Variants in TCF4 observed in about 807,000 individuals in gnomAD.
TCF4 encodes the protein transcription factor 4, also known as SL3-3 enhancer factor 2.
Under a neutral mutation model 82.1 loss-of-function variants are expected in TCF4, and 3 were observed. The observed-to-expected ratio is 0.04, with a 90% CI of 0.02 to 0.09. The LOEUF (loss-of-function observed/expected upper bound fraction) is 0.09, where lower values mean the gene tolerates loss of function less well. Among genes scored for constraint, TCF4 ranks in the 10% least tolerant of loss-of-function variants. The pLI is 1.00. For synonymous variants in TCF4, 276 were observed against 309.6 expected (o/e 0.89, Z 1.14); for missense variants, 518 against 852.7 (o/e 0.61, Z 4.89).
At chr18:55,234,986 T>C (rs1310752218) in intron 15 of TCF4, among the ~76,000 whole-genome samples, 3 of 152,174 alleles carry the variant, frequency 2.0e-5, no homozygotes, top group Non-Finnish European at 4.4e-5. Context: ...CCATCTGTCT[T>C]CTATCATGTC....
At chr18:55,610,658 C>A (rs1276217871) in intron 2 of TCF4, among the ~76,000 whole-genome samples, 1 of 152,108 alleles carries the variant, frequency 6.6e-6, no homozygotes, top group East Asian at 1.9e-4. Context: ...TTAACAGCTA[C>A]AACAGGAAGA....
chr18:55,478,618 C>T (rs1483803403), intron 3 of TCF4, among the ~76,000 whole-genome samples: 2 of 151,870 alleles, frequency 1.3e-5, no homozygotes, highest in African/African-American at 2.4e-5. Context: ...TGCAAGCTTC[C>T]GAAATGCAGA....
At chr18:55,375,127 A>T (rs1021243102) in intron 6 of TCF4, among the ~76,000 whole-genome samples, 3 of 151,768 alleles carry the variant, frequency 2.0e-5, no homozygotes, top group African/African-American at 7.2e-5. Context: ...TTAGCCACCA[A>T]ATTTCTGAGA....
intron 3 of TCF4, among the ~76,000 whole-genome samples, chr18:55,497,850 T>C (rs538707655): frequency 6.6e-6 from 1 of 151,894 alleles, no homozygotes; most frequent in African/African-American, 2.4e-5. Flanking sequence ...CTACATGAAA[T>C]TGGAAGGGGA....
chr18:55,228,741 C>T (rs1454885103), intron 18 of TCF4, 106 bp downstream of exon 18: 1 of 1,164,234 alleles, frequency 8.6e-7, no homozygotes, highest in Non-Finnish European at 1.2e-6. Flanking sequence ...TGGAATGATG[C>T]TTGAAAGTCT....
intron 3 of TCF4, among the ~76,000 whole-genome samples, chr18:55,579,142 T>C (rs1181371125): frequency 6.6e-6 from 1 of 151,232 alleles, no homozygotes; most frequent in Non-Finnish European, 1.5e-5. Flanking sequence ...TCTCCAAAGA[T>C]TAAATTATTA....
intron 5 of TCF4, among the ~76,000 whole-genome samples, chr18:55,418,864 T>C (rs1159209279): frequency 6.6e-6 from 1 of 152,306 alleles, no homozygotes; most frequent in African/African-American, 2.4e-5. Context: ...GGTGTTGTGT[T>C]AGTGCCCAGT....
intron 6 of TCF4, among the ~76,000 whole-genome samples, chr18:55,368,114 G>A (rs959061336): frequency 3.3e-5 from 5 of 152,210 alleles, no homozygotes; most frequent in Non-Finnish European, 5.9e-5. Flanking sequence ...AGCCGGGCGC[G>A]GTGGCTCATG....
At chr18:55,563,929 T>C (rs2097377325) in intron 3 of TCF4, among the ~76,000 whole-genome samples, 1 of 152,262 alleles carries the variant, frequency 6.6e-6, no homozygotes, top group Non-Finnish European at 1.5e-5. Context: ...TATGACTAAA[T>C]TTAAAATGAG....
intron 6 of TCF4, among the ~76,000 whole-genome samples, chr18:55,355,908 A>C (rs2083390329): frequency 1.3e-5 from 2 of 152,208 alleles, no homozygotes; most frequent in Admixed American, 1.3e-4. Context: ...GTAGAAGTCA[A>C]ATCTATTAAG....
intron 3 of TCF4, among the ~76,000 whole-genome samples, chr18:55,489,496 A>G (rs1000563115): frequency 3.9e-5 from 6 of 152,156 alleles, no homozygotes; most frequent in Admixed American, 2.6e-4. Flanking sequence ...CAAACAAGAA[A>G]AGTGGACCCA....
intron 3 of TCF4, among the ~76,000 whole-genome samples, chr18:55,514,430 CA>C (rs1191665097): frequency 2.0e-5 from 3 of 151,894 alleles, no homozygotes; most frequent in Admixed American, 6.6e-5. Flanking sequence ...CACACACACA[CA>C]CACACACACA....
chr18:55,337,424 C>T (rs938512155), intron 8 of TCF4, among the ~76,000 whole-genome samples: 4 of 152,206 alleles, frequency 2.6e-5, no homozygotes. Flanking sequence ...TGGCAACTCG[C>T]TCTTTTTGCC....
chr18:55,454,106 TTCCACCTTGGCC>T (rs747068372), intron 5 of TCF4, among the ~76,000 whole-genome samples: 28 of 152,124 alleles, frequency 1.8e-4, no homozygotes, highest in Non-Finnish European at 1.3e-4. Context: ...CGAGCAATCC[TTCCACCTTGGCC>T]TCCCAAAGTG....
intron 2 of TCF4, among the ~76,000 whole-genome samples, chr18:55,615,632 T>C (rs1375385262): frequency 2.0e-5 from 3 of 152,156 alleles, no homozygotes; most frequent in Non-Finnish European, 2.9e-5. Context: ...AGTCTTTCAC[T>C]ATTAAGTGTG....
chr18:55,527,061 C>T (rs2096993001), intron 3 of TCF4, among the ~76,000 whole-genome samples: 1 of 152,086 alleles, frequency 6.6e-6, no homozygotes, highest in Admixed American at 6.6e-5. Context: ...ACCACTTAGA[C>T]AAGTGTTCCT....
At chr18:55,622,042 CTATATATAATATATATACACTG>C (rs1467694732) in intron 2 of TCF4, among the ~76,000 whole-genome samples, 2 of 133,028 alleles carry the variant, frequency 1.5e-5, no homozygotes, top group African/African-American at 2.9e-5. Flanking sequence ...TATATATACA[CTATATATAATATATATACACTG>C]TATATATAAT....
At chr18:55,330,166 G>A (rs1178492966) in intron 8 of TCF4, among the ~76,000 whole-genome samples, 1 of 149,660 alleles carries the variant, frequency 6.7e-6, no homozygotes, top group Admixed American at 6.7e-5. Context: ...AAACTTGCCA[G>A]CAATGTTGGA....
chr18:55,270,089 C>A, intron 10 of TCF4, 126 bp from the exon 11 acceptor site: 1 of 1,188,818 alleles, frequency 8.4e-7, no homozygotes, highest in Admixed American at 1.8e-5. Context: ...TCAAAATAGC[C>A]AAGAATATAT....
Sources: gnomAD v4.1 joint callset for allele counts (sites outside exome capture counted in the v4.1 genomes callset) on GRCh38, gnomAD v4.1.1 for gene constraint, MANE v1.5 for transcripts, NCBI Gene and HGNC (gene_info 2026-07-23, HGNC 2026-07-21) for gene names.